Variants in SNX30 observed in about 807,000 individuals in gnomAD.
The protein encoded by SNX30 is sorting nexin-30.
SNX30 carries 24 observed loss-of-function variants against 46.4 expected under a neutral mutation model. The ratio of observed to expected loss-of-function variants is 0.52; its 90% CI spans 0.37 to 0.73. The LOEUF (loss-of-function observed/expected upper bound fraction) is 0.73, where lower values mean the gene tolerates loss of function less well. Among genes scored for constraint, SNX30 ranks in the 30% least tolerant of loss-of-function variants. The pLI is 0.00. For synonymous variants in SNX30, 189 were observed against 211.5 expected (o/e 0.89, Z 0.92); for missense variants, 533 against 555.7 (o/e 0.96, Z 0.41).
At chr9:112,780,732 T>C (rs1839832692) in intron 1 of SNX30, among the ~76,000 whole-genome samples, 1 of 152,216 alleles carries the variant, frequency 6.6e-6, no homozygotes, top group Admixed American at 6.5e-5. Flanking sequence ...GACTGTCTGC[T>C]TTCCCGGGGC....
At chr9:112,852,128 T>C (rs913977426) in intron 7 of SNX30, among the ~76,000 whole-genome samples, 5 of 151,872 alleles carry the variant, frequency 3.3e-5, no homozygotes, top group African/African-American at 9.7e-5. Flanking sequence ...GCAGGCCTCC[T>C]CTTACTGGGG....
chr9:112,751,128 C>T lies in SNX30; in HGVS notation c.127C>T (p.Leu43=). The T allele has an allele frequency of 1.3e-6, 2 of 1,507,888 alleles. No homozygotes were observed. The highest frequency in any genetic ancestry group is 1.8e-6 in the Non-Finnish European group (2 of 1,136,522). The allele number at this position is 1,507,888 out of a possible 1,614,324, so 93.4% of individuals were successfully genotyped here. Residue 43 remains leucine, a synonymous_variant, in exon 1 of 9, where the codon CTG becomes TTG. Transcript: ENST00000374232. ...TGGTGACAGCACGCCCAGCCCGGAC[C>T]TGCTGATGGCCCGCAGCTTCGGTGA... ...VGGDSTPSPD[L]LMARSFGDKD... is the part of the protein sequence containing the mutation.
At chr9:112,780,268 C>T (rs371230435) in intron 1 of SNX30, among the ~76,000 whole-genome samples, 10 of 152,336 alleles carry the variant, frequency 6.6e-5, no homozygotes, top group Non-Finnish European at 8.8e-5. Context: ...CCAAAAGTCC[C>T]TTGGTTAAAA....
At chr9:112,824,241 G>A (rs1436917195) in intron 3 of SNX30, among the ~76,000 whole-genome samples, 1 of 152,146 alleles carries the variant, frequency 6.6e-6, no homozygotes, top group African/African-American at 2.4e-5. Context: ...AAATGACAGT[G>A]CTTTACTAAA....
intron 2 of SNX30, among the ~76,000 whole-genome samples, chr9:112,812,410 C>T (rs777622448): frequency 2.0e-5 from 3 of 152,206 alleles, no homozygotes; most frequent in African/African-American, 4.8e-5. Flanking sequence ...CATGGACCAC[C>T]GCACCCGGCT....
rs546980767 is a variant in SNX30 at position 112,758,616 on chromosome 9, G to A, written c.156+7459G>A. ...TCGCCATGTTGGCCAGGTTGGTCTC[G>A]AACTCCTGAGCTCAAGCGATCTGCC... On this transcript the variant is annotated intron_variant, in intron 1 of 8. Transcript: ENST00000374232. 5.3e-5 allele frequency among the ~76,000 whole-genome samples: 8 copies of A among 152,248 alleles called. No individual in the cohort carries two copies. In the South Asian group the frequency reaches 1.5e-3, roughly 28 times the overall value.
rs1839262553 is a variant in SNX30 at position 112,750,913 on chromosome 9, G to A, written c.-89G>A. 1 of 1,121,830 alleles carries A rather than the reference G, an allele frequency of 8.9e-7. No individual in the cohort carries two copies. The highest frequency in any genetic ancestry group is 1.1e-6 in the Non-Finnish European group (1 of 916,184). The allele number at this position is 1,121,830 out of a possible 1,614,324, so 69.5% of individuals were successfully genotyped here. On this transcript the variant is annotated 5_prime_UTR_variant, in exon 1 of 9. Transcript: ENST00000374232. ...CAAGGCCTCGGGTTAAGCGGCGGCC[G>A]AGCGGGGCTCGGCCCGGGGTGCTCG...
downstream of SNX30, among the ~76,000 whole-genome samples, chr9:112,883,992 G>A (rs1183030188): frequency 6.6e-6 from 1 of 152,208 alleles, no homozygotes; most frequent in Non-Finnish European, 1.5e-5. Context: ...ATCGTGCCCA[G>A]CCTGGCTTCT....
chr9:112,855,068 C>T (rs550426339), intron 7 of SNX30, among the ~76,000 whole-genome samples: 1 of 152,302 alleles, frequency 6.6e-6, no homozygotes, highest in East Asian at 1.9e-4. Flanking sequence ...TCAAGCTTCC[C>T]CTGCCTCCCT....
intron 1 of SNX30, among the ~76,000 whole-genome samples, chr9:112,764,252 C>T (rs1564260322): frequency 6.6e-6 from 1 of 152,166 alleles, no homozygotes; most frequent in Non-Finnish European, 1.5e-5. Flanking sequence ...GTGATGCACG[C>T]ACAGCGAGCA....
intron 6 of SNX30, among the ~76,000 whole-genome samples, chr9:112,841,597 A>G (rs1350397445): frequency 1.3e-5 from 2 of 152,218 alleles, no homozygotes; most frequent in Non-Finnish European, 2.9e-5. Flanking sequence ...AATAAGAAAC[A>G]GGGCCACTGC....
In SNX30 at chr9:112,868,804, G is replaced by C. The variant is rs199895275; in HGVS notation, c.1275G>C (p.Ser425=). The stretch of plus-strand genomic sequence containing the variant: ...TCCAGTGCCTCATGGCGTGGGAGTC[G>C]ATTATTCCACTACTGCAGGAGAAAC... ...YYEKCLMAWE[S]IIPLLQEKQE... is the part of the protein sequence containing the mutation. Residue 425 remains serine (S), a synonymous_variant, in exon 9 of 9, where the codon TCG becomes TCC. Transcript: ENST00000374232. 2 of 1,614,048 alleles carry C rather than the reference G, an allele frequency of 1.2e-6. No individual in the cohort carries two copies. The highest frequency in any genetic ancestry group is 1.7e-6 in the Non-Finnish European group (2 of 1,179,944).
intron 1 of SNX30, among the ~76,000 whole-genome samples, chr9:112,780,148 G>A (rs1839823266): frequency 6.6e-6 from 1 of 152,116 alleles, no homozygotes; most frequent in South Asian, 2.1e-4. Context: ...CCACTGCTGG[G>A]GTGCGTGTTT....
intron 3 of SNX30, among the ~76,000 whole-genome samples, chr9:112,829,781 GT>G (rs913108272): frequency 1.3e-5 from 2 of 149,932 alleles, no homozygotes; most frequent in African/African-American, 4.9e-5. Context: ...TTTTGTTTTT[GT>G]TTTTTTTTAA....
chr9:112,856,596 C>G (rs777956329), intron 7 of SNX30: 2 of 152,100 alleles, frequency 1.3e-5, no homozygotes, highest in African/African-American at 4.8e-5. Flanking sequence ...GGAAATTGGG[C>G]TCTCTGGACA....
intron 8 of SNX30, among the ~76,000 whole-genome samples, chr9:112,866,236 A>T (rs756466488): frequency 1.3e-5 from 2 of 152,138 alleles, no homozygotes; most frequent in Non-Finnish European, 2.9e-5. Context: ...AGAACGGGAA[A>T]CTGGGGGAGA....
intron 1 of SNX30, among the ~76,000 whole-genome samples, chr9:112,790,781 T>C (rs543280612): frequency 1.3e-5 from 2 of 152,350 alleles, no homozygotes; most frequent in East Asian, 3.9e-4. Context: ...ATGTTTACCA[T>C]TTAAAAATGC....
chr9:112,810,859 G>C (rs983959287), intron 2 of SNX30, among the ~76,000 whole-genome samples: 1 of 152,152 alleles, frequency 6.6e-6, no homozygotes, highest in South Asian at 2.1e-4. Context: ...ACGAGCCTCA[G>C]AAGGGTTTTC....
chr9:112,761,004 C>A (rs1346690183), intron 1 of SNX30, among the ~76,000 whole-genome samples: 1 of 152,034 alleles, frequency 6.6e-6, no homozygotes, highest in South Asian at 2.1e-4. Context: ...TTGGGTCATG[C>A]GTTGGGAGTG....
Sources: allele counts gnomAD v4.1 joint callset (sites outside exome capture counted in the v4.1 genomes callset), GRCh38; gene constraint gnomAD v4.1.1; transcripts MANE v1.5; gene names NCBI Gene and HGNC (gene_info 2026-07-23, HGNC 2026-07-21).